The following ZNF521 variants were observed in gnomAD, a reference collection of about 807,000 sequenced individuals.
ZNF521 encodes zinc finger protein 521.
Under a neutral mutation model 105.5 loss-of-function variants are expected in ZNF521, and 14 were observed. The ratio of observed to expected loss-of-function variants is 0.13; its 90% CI spans 0.09 to 0.21. The LOEUF (loss-of-function observed/expected upper bound fraction) is 0.21, where lower values mean the gene tolerates loss of function less well. ZNF521 is among the 10% of genes least tolerant of loss of function. The pLI is 1.00. For synonymous variants in ZNF521, 635 were observed against 606.0 expected (o/e 1.05, Z -0.70); for missense variants, 1,233 against 1,629.7 (o/e 0.76, Z 4.19).
At chr18:25,340,444 T>C (rs777958452) in intron 2 of ZNF521, among the ~76,000 whole-genome samples, 6 of 152,016 alleles carry the variant, frequency 3.9e-5, no homozygotes, top group South Asian at 2.1e-4. Flanking sequence ...CAAAGGTAAA[T>C]GGGTGGTCTT....
At chr18:25,239,882 G>C in intron 3 of ZNF521, among the ~76,000 whole-genome samples, 1 of 151,976 alleles carries the variant, frequency 6.6e-6, no homozygotes. Context: ...TCTTATCTCT[G>C]GCTACCAGGG....
At chr18:25,195,331 A>T in intron 4 of ZNF521, 87 bp from the exon 5 acceptor site, 1 of 1,067,824 alleles carries the variant, frequency 9.4e-7, no homozygotes, top group South Asian at 1.4e-5. Context: ...TGAGATGCTG[A>T]TCTTACCTAT....
intron 1 of ZNF521, 125 bp downstream of exon 1, chr18:25,351,880 G>GGCGGTGGCAGCAGCGGCAGCA (rs1555669410): frequency 3.7e-6 from 1 of 271,468 alleles, no homozygotes; most frequent in Non-Finnish European, 7.4e-6. Flanking sequence ...CCTCGGCAGC[G>GGCGGTGGCAGCAGCGGCAGCA]GCGGCGGCAG....
At chr18:25,200,261 G>A (rs576236849) in intron 4 of ZNF521, among the ~76,000 whole-genome samples, 78 of 152,246 alleles carry the variant, frequency 5.1e-4, no homozygotes, top group African/African-American at 1.8e-3. Context: ...TTACGAGAGC[G>A]AAGGAACTGT....
chr18:25,141,586 C>T (rs952358202), intron 5 of ZNF521, among the ~76,000 whole-genome samples: 2 of 152,162 alleles, frequency 1.3e-5, no homozygotes, highest in African/African-American at 4.8e-5. Flanking sequence ...AGATGGAAGC[C>T]TGTGTGTACT....
intron 2 of ZNF521, among the ~76,000 whole-genome samples, chr18:25,327,995 A>G (rs977088505): frequency 6.6e-6 from 1 of 152,186 alleles, no homozygotes; most frequent in African/African-American, 2.4e-5. Flanking sequence ...GCTGGGCACC[A>G]ACCAGTCCAA....
At chr18:25,277,393 A>C (rs1910105603) in intron 3 of ZNF521, among the ~76,000 whole-genome samples, 1 of 152,180 alleles carries the variant, frequency 6.6e-6, no homozygotes, top group African/African-American at 2.4e-5. Context: ...ATAGGAAGTA[A>C]GAGAAAGGTA....
chr18:25,240,569 T>C (rs1039299282), intron 3 of ZNF521, among the ~76,000 whole-genome samples: 5 of 152,132 alleles, frequency 3.3e-5, no homozygotes, highest in African/African-American at 1.2e-4. Context: ...GACACTATTA[T>C]TCAAACCTAT....
At chr18:25,288,105 C>T (rs1000412012) in intron 3 of ZNF521, among the ~76,000 whole-genome samples, 6 of 151,982 alleles carry the variant, frequency 3.9e-5, no homozygotes, top group African/African-American at 1.2e-4. Flanking sequence ...AAGAAAAAAC[C>T]TCTACTGGGC....
At chr18:25,237,407 T>A (rs1468370675) in intron 3 of ZNF521, among the ~76,000 whole-genome samples, 1 of 152,060 alleles carries the variant, frequency 6.6e-6, no homozygotes, top group Non-Finnish European at 1.5e-5. Context: ...TTAATATCTA[T>A]AATCATATTT....
chr18:25,094,898 TTTTG>T (rs1422017909), intron 5 of ZNF521, among the ~76,000 whole-genome samples: 1 of 152,110 alleles, frequency 6.6e-6, no homozygotes, highest in Non-Finnish European at 1.5e-5. Context: ...ATATAATTCA[TTTTG>T]TATTTTTTTT....
chr18:25,253,693 T>C (rs753884189), intron 3 of ZNF521, among the ~76,000 whole-genome samples: 3 of 152,128 alleles, frequency 2.0e-5, no homozygotes, highest in Non-Finnish European at 2.9e-5. Flanking sequence ...CAAAGTTAAA[T>C]GAGAGGCAGC....
Position 25,062,515 on chromosome 18 carries a change from A to T in ZNF521, c.*197T>A. ...TCAGACGACATAATACATGTGCAAC[A>T]CTTTATATACAAGGGGTCTATCCGG... On this transcript the variant is annotated 3_prime_UTR_variant, in exon 8 of 8. Transcript: ENST00000361524. 1 of 647,546 alleles carries T rather than the reference A, an allele frequency of 1.5e-6. No individual in the cohort carries two copies. Among genetic ancestry groups the T allele is most frequent in the Non-Finnish European group, 2.6e-6 (1 of 390,676 alleles). The allele number at this position is 647,546 out of a possible 1,614,324, so 40.1% of individuals were successfully genotyped here.
intron 7 of ZNF521, among the ~76,000 whole-genome samples, chr18:25,074,333 C>A (rs1468344344): frequency 1.3e-5 from 2 of 152,122 alleles, no homozygotes; most frequent in African/African-American, 4.8e-5. Context: ...TTCACAGGCC[C>A]AATTCTGTTT....
At chr18:25,270,696 T>G (rs2144938840) in intron 3 of ZNF521, among the ~76,000 whole-genome samples, 1 of 152,304 alleles carries the variant, frequency 6.6e-6, no homozygotes, top group Non-Finnish European at 1.5e-5. Context: ...TCTCACTAGA[T>G]GCAGAAAAGG....
intron 3 of ZNF521, among the ~76,000 whole-genome samples, chr18:25,265,210 T>G (rs950913918): frequency 7.2e-5 from 11 of 152,190 alleles, no homozygotes; most frequent in African/African-American, 2.4e-4. Context: ...TAACTGATGT[T>G]ACTTAACTCC....
At chr18:25,278,762 T>C (rs1422858275) in intron 3 of ZNF521, among the ~76,000 whole-genome samples, 1 of 152,134 alleles carries the variant, frequency 6.6e-6, no homozygotes, top group African/African-American at 2.4e-5. Context: ...AATCTCTCTT[T>C]CTCCACTTTT....
chr18:25,318,550 A>C (rs1912764963), intron 3 of ZNF521, among the ~76,000 whole-genome samples: 1 of 152,214 alleles, frequency 6.6e-6, no homozygotes. Flanking sequence ...AGCAATTTTG[A>C]AACTACTTAC....
At chr18:25,110,442 C>CAAA (rs372395726) in intron 5 of ZNF521, among the ~76,000 whole-genome samples, 2 of 148,886 alleles carry the variant, frequency 1.3e-5, no homozygotes, top group African/African-American at 5.0e-5. Context: ...GGCAGGAGAC[C>CAAA]AAAAAAGAAA....
Sources: allele counts gnomAD v4.1 joint callset (sites outside exome capture counted in the v4.1 genomes callset), GRCh38; gene constraint gnomAD v4.1.1; transcripts MANE v1.5; gene names NCBI Gene and HGNC (gene_info 2026-07-23, HGNC 2026-07-21).